The following COP1 variants were observed in gnomAD, a reference collection of about 807,000 sequenced individuals.
The protein encoded by COP1 is E3 ubiquitin-protein ligase COP1.
COP1 carries 24 observed loss-of-function variants against 101.3 expected under a neutral mutation model. The observed-to-expected ratio is 0.24, with a 90% CI of 0.17 to 0.33. COP1 has a LOEUF of 0.33. Ranked by LOEUF, COP1 falls within the 10% of genes least tolerant of loss-of-function variation. COP1 has a pLI of 1.00. For missense variants in COP1, 663 were observed against 906.2 expected (o/e 0.73, Z 3.45); for synonymous variants, 347 against 341.9 (o/e 1.01, Z -0.17).
intron 14 of COP1, among the ~76,000 whole-genome samples, chr1:176,038,599 C>G (rs1669970725): frequency 6.6e-6 from 1 of 152,264 alleles, no homozygotes; most frequent in Middle Eastern, 3.4e-3. Flanking sequence ...GCGGGCAGAT[C>G]ACAAGGTCAA....
intron 11 of COP1, among the ~76,000 whole-genome samples, chr1:176,056,688 C>T (rs1204748546): frequency 1.3e-5 from 2 of 152,096 alleles, no homozygotes; most frequent in Non-Finnish European, 2.9e-5. Flanking sequence ...GAAGTTTAGC[C>T]TATTTAAATT....
intron 14 of COP1, among the ~76,000 whole-genome samples, chr1:176,036,777 G>A (rs1669624553): frequency 1.3e-5 from 2 of 152,156 alleles, no homozygotes; most frequent in African/African-American, 4.8e-5. Flanking sequence ...GTAGGCCAAT[G>A]TAAATATTCT....
At chr1:176,002,942 A>G (rs1341953051) in intron 15 of COP1, among the ~76,000 whole-genome samples, 1 of 149,992 alleles carries the variant, frequency 6.7e-6, no homozygotes, top group South Asian at 2.1e-4. Flanking sequence ...ACTGACTTCC[A>G]CAATGGTTGA....
intron 18 of COP1, among the ~76,000 whole-genome samples, chr1:175,973,988 G>C (rs1653901018): frequency 6.6e-6 from 1 of 152,188 alleles, no homozygotes; most frequent in South Asian, 2.1e-4. Context: ...CAAGTGGTAA[G>C]AGATTGAGCT....
chr1:176,060,709 A>C (rs1247689439), intron 11 of COP1, among the ~76,000 whole-genome samples: 3 of 152,218 alleles, frequency 2.0e-5, no homozygotes, highest in Non-Finnish European at 4.4e-5. Context: ...TAAAGAAACC[A>C]TTTAATCCTA....
intron 15 of COP1, among the ~76,000 whole-genome samples, chr1:175,992,048 G>T (rs138028795): frequency 1.3e-5 from 2 of 152,124 alleles, no homozygotes; most frequent in South Asian, 4.1e-4. Context: ...TGTAGTATAC[G>T]TAATCGTATG....
At chr1:176,152,899 T>C (rs1438271362) in intron 5 of COP1, among the ~76,000 whole-genome samples, 2 of 152,204 alleles carry the variant, frequency 1.3e-5, no homozygotes, top group Non-Finnish European at 1.5e-5. Context: ...AATTTTTCTC[T>C]AGAACACTAC....
At position 176,133,909 on chromosome 1, in the gene COP1, T is replaced by C. The variant is rs779446588; in HGVS notation, c.968+1101A>G. The C allele has an allele frequency of 2.1e-5, 9 of 429,288 alleles. No individual in the cohort carries two copies. In the Middle Eastern group the frequency reaches 1.0e-3, roughly 50 times the overall value. The allele number at this position is 429,288 out of a possible 1,614,324, so 26.6% of individuals were successfully genotyped here. A position where few individuals can be genotyped will look rare whatever the true frequency, so the allele number is the denominator to read the frequency against. On this transcript the variant is annotated intron_variant, in intron 8 of 19. Transcript: ENST00000367669. ...CAGAACTGAATTCAAGGCTTAAAGA[T>C]AACAATATACACAGACCAAGTCATT...
intron 18 of COP1, among the ~76,000 whole-genome samples, chr1:175,977,880 T>C (rs956883176): frequency 5.3e-5 from 8 of 152,062 alleles, no homozygotes; most frequent in Non-Finnish European, 1.0e-4. Flanking sequence ...CCAATTCAAA[T>C]AGTATCCATC....
chr1:176,119,859 TATC>T (rs904004395), intron 8 of COP1, among the ~76,000 whole-genome samples: 2 of 152,212 alleles, frequency 1.3e-5, no homozygotes, highest in Admixed American at 6.5e-5. Context: ...ATAATACTAT[TATC>T]ATTCTCATTT....
chr1:176,196,348 T>C (rs1412926998), intron 1 of COP1, among the ~76,000 whole-genome samples: 4 of 151,990 alleles, frequency 2.6e-5, no homozygotes, highest in African/African-American at 7.2e-5. Context: ...AAAAAATTAA[T>C]AATCCTCTAG....
intron 3 of COP1, among the ~76,000 whole-genome samples, chr1:176,166,764 C>T (rs1353807656): frequency 1.3e-5 from 2 of 151,960 alleles, no homozygotes; most frequent in African/African-American, 4.8e-5. Flanking sequence ...AGCAAAACCC[C>T]GTCTCCACAA....
intron 15 of COP1, among the ~76,000 whole-genome samples, chr1:176,008,013 C>A (rs915025515): frequency 2.0e-5 from 3 of 152,182 alleles, no homozygotes; most frequent in African/African-American, 7.2e-5. Context: ...GGGCGTAGGA[C>A]CCTCGGAGCC....
At chr1:175,990,016 C>A (rs552846813) in intron 15 of COP1, among the ~76,000 whole-genome samples, 1 of 151,796 alleles carries the variant, frequency 6.6e-6, no homozygotes, top group Non-Finnish European at 1.5e-5. Context: ...CTACTCTAAC[C>A]TTTATTATTT....
At position 176,182,347 on chromosome 1, in the gene COP1, C is replaced by G. The variant is rs77992782; in HGVS notation, c.467+2286G>C. On this transcript the variant is annotated intron_variant, in intron 2 of 19. Transcript: ENST00000367669. The stretch of plus-strand genomic sequence containing the variant: ...AAGTTTCAGAACCAGAAGTAGAATC[C>G]TGGTCTAACAATATCAAGAACTTGT... Among the ~76,000 whole-genome samples, 30 of 152,272 alleles carry G rather than the reference C, an allele frequency of 2.0e-4. No homozygotes were observed. The East Asian group carries it at 5.6e-3, about 28-fold the overall frequency.
chr1:176,046,419 A>G, intron 11 of COP1, 95 bp from the exon 12 acceptor site: 1 of 1,093,330 alleles, frequency 9.1e-7, no homozygotes, highest in Non-Finnish European at 1.3e-6. Context: ...ATCTACTTTA[A>G]ATACCTTCAA....
At chr1:175,967,605 C>T (rs1652313536) in intron 18 of COP1, among the ~76,000 whole-genome samples, 1 of 152,202 alleles carries the variant, frequency 6.6e-6, no homozygotes, top group Non-Finnish European at 1.5e-5. Flanking sequence ...CAGCAAAACA[C>T]ACAACAGGAA....
chr1:175,959,216 C>A (rs1011816688), intron 18 of COP1, among the ~76,000 whole-genome samples: 23 of 151,520 alleles, frequency 1.5e-4, no homozygotes, highest in African/African-American at 5.3e-4. Context: ...AATATTATAT[C>A]ATGTTAAATA....
chr1:175,950,579 G>A (rs905627124), intron 18 of COP1, among the ~76,000 whole-genome samples: 1 of 152,132 alleles, frequency 6.6e-6, no homozygotes, highest in African/African-American at 2.4e-5. Context: ...CTATAAATAA[G>A]TTCTAGCTCA....
Sources: allele counts gnomAD v4.1 joint callset (sites outside exome capture counted in the v4.1 genomes callset), GRCh38; gene constraint gnomAD v4.1.1; transcripts MANE v1.5; gene names NCBI Gene and HGNC (gene_info 2026-07-23, HGNC 2026-07-21).